The following CHST11 variants were observed in gnomAD, a reference collection of about 807,000 sequenced individuals.
The protein encoded by CHST11 is C4S-1.
In CHST11, 9 loss-of-function variants were observed where a neutral mutation model predicts 30.4. That is an observed-to-expected ratio of 0.30 (90% confidence interval 0.18 to 0.52). The LOEUF (loss-of-function observed/expected upper bound fraction) is 0.52, where lower values mean the gene tolerates loss of function less well. Ranked by LOEUF, CHST11 falls within the 20% of genes least tolerant of loss-of-function variation. The probability of loss-of-function intolerance (pLI) is 0.97; values close to 1 mark genes in which losing one functional copy is unlikely to be tolerated. For synonymous variants in CHST11, 152 were observed against 187.8 expected, an observed-to-expected ratio of 0.81 and a Z score of 1.56; for missense variants, 348 against 460.6, an observed-to-expected ratio of 0.76 and a Z score of 2.24.
intron 1 of CHST11, among the ~76,000 whole-genome samples, chr12:104,535,020 T>C (rs961559823): frequency 6.6e-6 from 1 of 152,242 alleles, no homozygotes; most frequent in African/African-American, 2.4e-5. Flanking sequence ...GTGAAACCCC[T>C]GTGGCAAAGA....
intron 2 of CHST11, among the ~76,000 whole-genome samples, chr12:104,730,305 C>T (rs1216665243): frequency 6.6e-6 from 1 of 152,216 alleles, no homozygotes; most frequent in African/African-American, 2.4e-5. Flanking sequence ...AGAAGAGTGA[C>T]TCTTGCCACA....
rs78993896 is a variant in CHST11, at chr12:104,627,663, A to G, written c.204+25672A>G. Among the ~76,000 whole-genome samples, 427 of 152,358 alleles carry G rather than the reference A, an allele frequency of 2.8e-3. 4 individuals carry two copies. The highest frequency in any genetic ancestry group is 9.7e-3 in the African/African-American group (402 of 41,592). On this transcript the variant is annotated intron_variant, in intron 2 of 2. Transcript: ENST00000303694. ...CAGCCAACAAGAATGGAGCACTCCCAAGTATTTGACGGGCTTCTTATTCTC... is the reference window on the plus strand; with the variant it reads ...CAGCCAACAAGAATGGAGCACTCCCGAGTATTTGACGGGCTTCTTATTCTC...
intron 1 of CHST11, among the ~76,000 whole-genome samples, chr12:104,578,596 G>A (rs903043295): frequency 3.3e-5 from 5 of 152,090 alleles, no homozygotes; most frequent in African/African-American, 1.2e-4. Context: ...TTGAGTCATC[G>A]GCTTTCTGGC....
intron 1 of CHST11, among the ~76,000 whole-genome samples, chr12:104,489,826 T>G (rs2135966973): frequency 6.6e-6 from 1 of 152,344 alleles, no homozygotes; most frequent in South Asian, 2.1e-4. Flanking sequence ...CTATAACAAC[T>G]ATCACTGGCT....
chr12:104,675,776 C>T lies in CHST11; in HGVS notation c.204+73785C>T, dbSNP rs138277732. ...GGGTTGTTTTGAGGCTTAGATGATACATACATGCAAAAAGTCCACAGCATG... is the reference window on the plus strand; with the variant it reads ...GGGTTGTTTTGAGGCTTAGATGATATATACATGCAAAAAGTCCACAGCATG... On this transcript the variant is annotated intron_variant, in intron 2 of 2. Coordinates refer to ENST00000303694, the MANE Select transcript of CHST11 (RefSeq NM_018413.6). Among the ~76,000 whole-genome samples, 268 of 152,310 alleles carry T rather than the reference C, an allele frequency of 1.8e-3. 1 individual carries two copies. The highest frequency in any genetic ancestry group is 6.0e-3 in the African/African-American group (251 of 41,562).
intron 2 of CHST11, among the ~76,000 whole-genome samples, chr12:104,613,112 G>C (rs1049753499): frequency 6.6e-6 from 1 of 151,696 alleles, no homozygotes; most frequent in South Asian, 2.1e-4. Context: ...GTAGCCCCAG[G>C]TACCCGAGAG....
At chr12:104,547,775 G>A (rs1218537238) in intron 1 of CHST11, among the ~76,000 whole-genome samples, 5 of 152,080 alleles carry the variant, frequency 3.3e-5, no homozygotes, top group Non-Finnish European at 7.3e-5. Context: ...TATAAAATGA[G>A]AATAGTTGTA....
At chr12:104,469,513 G>A (rs971335647) in intron 1 of CHST11, among the ~76,000 whole-genome samples, 1 of 152,178 alleles carries the variant, frequency 6.6e-6, no homozygotes, top group Non-Finnish European at 1.5e-5. Flanking sequence ...GTGGTAGCAT[G>A]GCAGCCTGTA....
intron 1 of CHST11, among the ~76,000 whole-genome samples, chr12:104,480,251 CT>C (rs2037606850): frequency 6.6e-6 from 1 of 151,936 alleles, no homozygotes; most frequent in South Asian, 2.1e-4. Context: ...TGTGACTTGA[CT>C]TGGAAATAGG....
intron 1 of CHST11, among the ~76,000 whole-genome samples, chr12:104,461,537 A>G (rs1200955576): frequency 6.6e-6 from 1 of 152,218 alleles, no homozygotes; most frequent in Non-Finnish European, 1.5e-5. Flanking sequence ...CAGAGTGTGT[A>G]AAGGCAGCTC....
intron 1 of CHST11, among the ~76,000 whole-genome samples, chr12:104,563,134 G>A (rs1432295434): frequency 2.6e-5 from 4 of 151,874 alleles, no homozygotes; most frequent in South Asian, 2.1e-4. Context: ...CCGTCCCCCC[G>A]GGTTCAAGTG....
chr12:104,628,166 C>T (rs1010856741), intron 2 of CHST11, among the ~76,000 whole-genome samples: 11 of 152,168 alleles, frequency 7.2e-5, no homozygotes, highest in Non-Finnish European at 1.3e-4. Context: ...TGATGTATCT[C>T]AGGGCCCCGA....
At chr12:104,487,711 C>T (rs1245649271) in intron 1 of CHST11, among the ~76,000 whole-genome samples, 3 of 148,954 alleles carry the variant, frequency 2.0e-5, no homozygotes, top group South Asian at 2.1e-4. Context: ...AAAATGCATA[C>T]GAAACAGTAT....
chr12:104,614,901 G>T (rs1012884857), intron 2 of CHST11, among the ~76,000 whole-genome samples: 2 of 152,134 alleles, frequency 1.3e-5, no homozygotes, highest in Non-Finnish European at 2.9e-5. Context: ...TCCTGGGCAG[G>T]CGTTCTCCAT....
At chr12:104,648,962 T>C (rs2039464339) in intron 2 of CHST11, among the ~76,000 whole-genome samples, 1 of 152,108 alleles carries the variant, frequency 6.6e-6, no homozygotes, top group African/African-American at 2.4e-5. Flanking sequence ...GCAGGGGAAA[T>C]ACACCCTTAC....
intron 1 of CHST11, among the ~76,000 whole-genome samples, chr12:104,558,483 A>G (rs1023085048): frequency 5.3e-5 from 8 of 150,820 alleles, no homozygotes; most frequent in Non-Finnish European, 1.2e-4. Flanking sequence ...TCCCCTCCCA[A>G]AGTGTACAGA....
intron 2 of CHST11, among the ~76,000 whole-genome samples, chr12:104,610,739 T>C (rs1485454639): frequency 2.0e-5 from 3 of 152,204 alleles, no homozygotes; most frequent in African/African-American, 7.2e-5. Context: ...GGCGGCAGCA[T>C]GCATCTTCCT....
At chr12:104,474,026 C>T (rs1230223995) in intron 1 of CHST11, among the ~76,000 whole-genome samples, 4 of 151,926 alleles carry the variant, frequency 2.6e-5, no homozygotes, top group Non-Finnish European at 4.4e-5. Context: ...AGATATGCAG[C>T]GTGTTTTAAA....
chr12:104,526,924 G>A (rs547456711), intron 1 of CHST11, among the ~76,000 whole-genome samples: 1 of 152,304 alleles, frequency 6.6e-6, no homozygotes, highest in African/African-American at 2.4e-5. Flanking sequence ...GGGTTGGCAA[G>A]GCCTCCGTGT....
Sources: allele counts gnomAD v4.1 joint callset (sites outside exome capture counted in the v4.1 genomes callset), GRCh38; gene constraint gnomAD v4.1.1; transcripts MANE v1.5; gene names NCBI Gene and HGNC (gene_info 2026-07-23, HGNC 2026-07-21).